Variants in TTC23L observed in about 807,000 individuals in gnomAD.
TTC23L encodes the protein tetratricopeptide repeat domain 23 like, also known as tetratricopeptide repeat protein 23-like.
TTC23L carries 42 observed loss-of-function variants against 48.1 expected under a neutral mutation model. The ratio of observed to expected loss-of-function variants is 0.87; its 90% confidence interval spans 0.68 to 1.13. The LOEUF (loss-of-function observed/expected upper bound fraction) is 1.13, where lower values mean the gene tolerates loss of function less well. TTC23L is among the 50% of genes most tolerant of loss of function. TTC23L has a pLI of 0.00. For missense variants in TTC23L, 391 were observed against 421.0 expected (o/e 0.93, Z 0.62); for synonymous variants, 159 against 157.2 (o/e 1.01, Z -0.09).
chr5:34,840,782 T>C (rs371596022), intron 2 of TTC23L, 43 bp downstream of exon 2: 969 of 1,581,844 alleles, frequency 6.1e-4, no homozygotes, highest in Non-Finnish European at 7.8e-4. Context: ...CTTACTGGGC[T>C]GAAACACTGG....
the TTC23L span, chr5:34,914,807 G>C: frequency 3.1e-6 from 5 of 1,614,242 alleles, no homozygotes; most frequent in Non-Finnish European, 4.2e-6. Flanking sequence ...TTTCAAGATA[G>C]TGGAGAGATT....
intron 9 of TTC23L, among the ~76,000 whole-genome samples, chr5:34,891,689 T>C (rs532671558): frequency 3.9e-5 from 6 of 152,356 alleles, no homozygotes; most frequent in African/African-American, 1.4e-4. Context: ...AAATGCATGA[T>C]GTTTCCTCAA....
At chr5:34,867,392 C>T (rs1031232256) in intron 7 of TTC23L, 15 of 307,562 alleles carry the variant, frequency 4.9e-5, no homozygotes, top group East Asian at 1.3e-4. Flanking sequence ...CAGGGACAAC[C>T]GAACTTAAAT....
intron 3 of TTC23L, among the ~76,000 whole-genome samples, chr5:34,849,976 C>T (rs535470633): frequency 5.3e-5 from 8 of 152,206 alleles, no homozygotes; most frequent in African/African-American, 1.9e-4. Flanking sequence ...GGACTAGGTA[C>T]TCATGGCAGA....
chr5:34,909,056 ATCCAATTT>A, the TTC23L span: 1 of 1,122,778 alleles, frequency 8.9e-7, no homozygotes, highest in Non-Finnish European at 1.3e-6. Flanking sequence ...TCAAGTACTT[ATCCAATTT>A]GCTAATATTT....
chr5:34,885,567 G>A (rs1335886138), intron 9 of TTC23L, among the ~76,000 whole-genome samples: 2 of 151,962 alleles, frequency 1.3e-5, no homozygotes, highest in East Asian at 3.9e-4. Context: ...AAACATAGTG[G>A]GACCCCATTT....
At chr5:34,865,487 G>T (rs1199697780) in intron 6 of TTC23L, among the ~76,000 whole-genome samples, 3 of 152,118 alleles carry the variant, frequency 2.0e-5, no homozygotes, top group Non-Finnish European at 2.9e-5. Flanking sequence ...AAGTTTTTCT[G>T]CCTTATGTGA....
At chr5:34,905,258 G>C in the TTC23L span, 180 of 152,264 alleles carry the variant, frequency 1.2e-3, no homozygotes, top group African/African-American at 4.2e-3. Context: ...TATACACTCC[G>C]ATTTCTCAGG....
intron 8 of TTC23L, among the ~76,000 whole-genome samples, chr5:34,871,056 T>G (rs2388866): frequency 0.086 from 13,119 of 152,220 alleles, 1,048 homozygotes; most frequent in African/African-American, 0.21. Flanking sequence ...GCAAGGATGT[T>G]CACTCTCACT....
At chr5:34,890,713 GTCTC>G (rs1762819190) in intron 9 of TTC23L, among the ~76,000 whole-genome samples, 1 of 152,114 alleles carries the variant, frequency 6.6e-6, no homozygotes, top group South Asian at 2.1e-4. Flanking sequence ...TTTAATCTGG[GTCTC>G]TCTGACTCCA....
exon 6 of TTC23L, chr5:34,864,443 A>T (rs1760902738): frequency 1.2e-6 from 2 of 1,613,720 alleles, no homozygotes; most frequent in Non-Finnish European, 1.7e-6. Context: ...TCACTGGCAG[A>T]GAAGCCTATT....
intron 4 of TTC23L, among the ~76,000 whole-genome samples, chr5:34,856,254 A>G (rs778364540): frequency 5.3e-5 from 8 of 152,198 alleles, no homozygotes; most frequent in Non-Finnish European, 7.3e-5. Flanking sequence ...AAATGTTCCA[A>G]AATCTAAAAC....
intron 8 of TTC23L, among the ~76,000 whole-genome samples, chr5:34,879,100 G>A (rs1006231091): frequency 1.3e-5 from 2 of 152,200 alleles, no homozygotes; most frequent in Admixed American, 1.3e-4. Flanking sequence ...GACACAGAAA[G>A]TCAAGTATCA....
chr5:34,922,509 A>G, the TTC23L span: 1 of 1,443,598 alleles, frequency 6.9e-7, no homozygotes, highest in Non-Finnish European at 9.7e-7. Flanking sequence ...TTTGCTAATT[A>G]GTTGAAAAAG....
chr5:34,860,426 C>A (rs536552084), intron 4 of TTC23L, among the ~76,000 whole-genome samples: 25 of 152,312 alleles, frequency 1.6e-4, no homozygotes, highest in African/African-American at 5.1e-4. Context: ...GACAACCTTG[C>A]ATTATTACCA....
chr5:34,888,450 C>T lies in TTC23L; in HGVS notation c.1077+8142C>T, dbSNP rs921490694. 5.1e-6 allele frequency: 5 copies of T among 984,556 alleles called. No homozygotes were observed. In the African/African-American group the frequency reaches 7.0e-5, roughly 14 times the overall value. The allele number at this position is 984,556 out of a possible 1,614,324, so 61.0% of individuals were successfully genotyped here. On this transcript the variant is annotated intron_variant, in intron 9 of 10. Coordinates refer to ENST00000505624, the Ensembl canonical transcript of TTC23L. The stretch of plus-strand genomic sequence containing the variant: ...CTTTAACCTGTTGTTTCTCACCTCA[C>T]CTAGTGTCTGATGATTCAAATCTTT...
In TTC23L at chr5:34,842,026, C is replaced by T. The variant is rs182821232; in HGVS notation, c.68+1287C>T. On this transcript the variant is annotated intron_variant, in intron 2 of 10. Transcript: ENST00000505624. ...CTCTAGATGCTGCCAGATTTCCCCT[C>T]GGGGCAAAGTCATCCTTAGTTGGGA... 7.9e-4 allele frequency among the ~76,000 whole-genome samples: 121 copies of T among 152,264 alleles called. No individual in the cohort carries two copies. The Middle Eastern group carries it at 0.01, about 13-fold the overall frequency.
chr5:34,877,477 A>C (rs771574832), intron 8 of TTC23L, among the ~76,000 whole-genome samples: 2 of 150,266 alleles, frequency 1.3e-5, no homozygotes, highest in Non-Finnish European at 2.9e-5. Flanking sequence ...AGGCTGGAGT[A>C]CAACGGTGTG....
At chr5:34,886,370 A>G (rs1448924809) in intron 9 of TTC23L, among the ~76,000 whole-genome samples, 1 of 151,826 alleles carries the variant, frequency 6.6e-6, no homozygotes, top group African/African-American at 2.4e-5. Flanking sequence ...ATTTAAAAAA[A>G]AAAAAAAAAA....
Sources: allele counts gnomAD v4.1 joint callset (sites outside exome capture counted in the v4.1 genomes callset), GRCh38; gene constraint gnomAD v4.1.1; transcripts MANE v1.5; gene names NCBI Gene and HGNC (gene_info 2026-07-23, HGNC 2026-07-21).